Variants in SLFN5 observed in about 807,000 individuals in gnomAD.
SLFN5 encodes schlafen family member 5.
Under a neutral mutation model 48.5 loss-of-function variants are expected in SLFN5, and 34 were observed. The ratio of observed to expected loss-of-function variants is 0.70; its 90% CI spans 0.53 to 0.93. SLFN5 has a LOEUF of 0.93. Ranked by LOEUF, SLFN5 falls within the 40% of genes least tolerant of loss-of-function variation. SLFN5 has a pLI of 0.00. For missense variants in SLFN5, 1,006 were observed against 1,071.3 expected (o/e 0.94, Z 0.85); for synonymous variants, 387 against 396.2 (o/e 0.98, Z 0.28).
intron 1 of SLFN5, among the ~76,000 whole-genome samples, chr17:35,252,309 T>C (rs1489194445): frequency 6.6e-6 from 1 of 152,160 alleles, no homozygotes; most frequent in African/African-American, 2.4e-5. Context: ...CGCGTTCTTG[T>C]AGTCCTAGCT....
Position 35,266,580 on chromosome 17 carries a change from A to G in SLFN5, c.*692A>G, listed in dbSNP as rs1904704854. On this transcript the variant is annotated 3_prime_UTR_variant, in exon 5 of 5. Coordinates refer to ENST00000299977, the MANE Select transcript of SLFN5 (RefSeq NM_144975.4). ...TTTGGTTATGTGGAATCTGTTCCTT[A>G]GCTCTGATTTTTTATTCTTATGGAG... 6.6e-6 allele frequency: 1 copy of G among 152,104 alleles called. No homozygotes were observed. Among genetic ancestry groups the G allele is most frequent in the Non-Finnish European group, 1.5e-5 (1 of 68,036 alleles). The allele number at this position is 152,104 out of a possible 1,614,324, so 9.4% of individuals were successfully genotyped here.
chr17:35,264,697 G>A lies in SLFN5; in HGVS notation c.1653G>A (p.Glu551=). The change falls in exon 4 of 5, where the codon GAG becomes GAA. Residue 551 remains glutamate (E), a synonymous_variant. Coordinates refer to ENST00000299977, the MANE Select transcript of SLFN5 (RefSeq NM_144975.4). ...TCTTAAGTGAAGAGCTGGGCTCTGA[G>A]GTTTTGAACCTACTGACAAATAAAC... ...KSFLSEELGS[E]VLNLLTNKQY... is the part of the protein sequence containing the mutation. 1 of 1,609,282 alleles carries A rather than the reference G, an allele frequency of 6.2e-7. No individual in the cohort carries two copies. The highest frequency in any genetic ancestry group is 1.1e-5 in the South Asian group (1 of 90,386).
intron 1 of SLFN5, among the ~76,000 whole-genome samples, chr17:35,257,790 A>G (rs1904389405): frequency 6.6e-6 from 1 of 152,154 alleles, no homozygotes; most frequent in South Asian, 2.1e-4. Context: ...CATAGCAACA[A>G]TGACAGGTTG....
In SLFN5 at chr17:35,265,300, C is replaced by T. The variant is rs1420762075; in HGVS notation, c.2088C>T (p.Leu696=). 1 of 1,614,066 alleles carries T rather than the reference C, an allele frequency of 6.2e-7. No homozygotes were observed. Among genetic ancestry groups the T allele is most frequent in the South Asian group, 1.1e-5 (1 of 91,070 alleles). ...FQTYHLSCSG[L]PPPSDQYPRE... ...CCTATCACTTGAGTTGCAGTGGCCT[C>T]CCCCCTCCCTCAGACCAGTATCCAA... The change falls in exon 5 of 5, where the codon CTC becomes CTT. Residue 696 remains leucine (L), a synonymous_variant. Coordinates refer to ENST00000299977, the MANE Select transcript of SLFN5 (RefSeq NM_144975.4).
In SLFN5 at chr17:35,243,188, T is replaced by A. The variant is rs1457888207; in HGVS notation, c.-41+45T>A. 3 of 151,826 alleles carry A rather than the reference T, an allele frequency of 2.0e-5. No homozygotes were observed. The East Asian group carries it at 5.8e-4, about 29-fold the overall frequency. The allele number at this position is 151,826 out of a possible 1,614,324, so 9.4% of individuals were successfully genotyped here. A position where few individuals can be genotyped will look rare whatever the true frequency, so the allele number is the denominator to read the frequency against. ...TCTTTGCCCAGGCCTTCCCCAAACC[T>A]CCCCCCGGTCTGCGCGGGTTCTCCT... On this transcript the variant is annotated intron_variant, in intron 1 of 4. Transcript: ENST00000299977.
Position 35,265,192 on chromosome 17 carries a change from C to A in SLFN5, c.1980C>A (p.Asp660Glu). ...AGAATTTCCGTACTGAAGATGGGGA[C>A]TGGTATGGGAAAGCAAAGTTCATCA... ...DAQNFRTEDG[D>E]WYGKAKFITQ... The change falls in exon 5 of 5, where the codon GAC (aspartate) becomes GAA (glutamate). Residue 660 changes from aspartate to glutamate, a missense_variant. Coordinates refer to ENST00000299977, the MANE Select transcript of SLFN5 (RefSeq NM_144975.4). 1 of 1,614,150 alleles carries A rather than the reference C, an allele frequency of 6.2e-7. No individual in the cohort carries two copies. Among genetic ancestry groups the A allele is most frequent in the Middle Eastern group, 1.6e-4 (1 of 6,062 alleles).
At chr17:35,248,540 A>G (rs1200181226) in intron 1 of SLFN5, among the ~76,000 whole-genome samples, 1 of 151,770 alleles carries the variant, frequency 6.6e-6, no homozygotes, top group East Asian at 1.9e-4. Flanking sequence ...AATTTTTGCC[A>G]TGACTTTCAA....
In SLFN5 at chr17:35,269,789, A is replaced by G. The variant is rs1904788522; in HGVS notation, c.*3901A>G. ...TAAAGTGGAAAGATCAGTTCCCCCAAAGAATATCAGTTACCAAAGTAGGAT... is the reference window on the plus strand; with the variant it reads ...TAAAGTGGAAAGATCAGTTCCCCCAGAGAATATCAGTTACCAAAGTAGGAT... On this transcript the variant is annotated 3_prime_UTR_variant, in exon 5 of 5. Coordinates refer to ENST00000299977, the MANE Select transcript of SLFN5 (RefSeq NM_144975.4). 6.6e-6 allele frequency: 1 copy of G among 152,238 alleles called. No individual in the cohort carries two copies. The highest frequency in any genetic ancestry group is 1.5e-5 in the Non-Finnish European group (1 of 68,042). The allele number at this position is 152,238 out of a possible 1,614,324, so 9.4% of individuals were successfully genotyped here. A position where few individuals can be genotyped will look rare whatever the true frequency, so the allele number is the denominator to read the frequency against.
intron 1 of SLFN5, among the ~76,000 whole-genome samples, chr17:35,254,787 C>T (rs1260304318): frequency 2.0e-5 from 3 of 152,118 alleles, no homozygotes; most frequent in African/African-American, 2.4e-5. Flanking sequence ...GAGGCTGAAG[C>T]GGGTGGATCA....
In SLFN5 at chr17:35,271,592, T is replaced by G. The variant is rs1310364545; in HGVS notation, c.*5704T>G. ...AAACTAAAGAGCACAAAAAAGAACTTAAACAGATAAAAAGCAGACCACGTT... is the reference window on the plus strand; with the variant it reads ...AAACTAAAGAGCACAAAAAAGAACTGAAACAGATAAAAAGCAGACCACGTT... On this transcript the variant is annotated 3_prime_UTR_variant, in exon 5 of 5. Coordinates refer to ENST00000299977, the MANE Select transcript of SLFN5 (RefSeq NM_144975.4). The G allele has an allele frequency of 1.3e-5, 2 of 152,124 alleles. No individual in the cohort carries two copies. Among genetic ancestry groups the G allele is most frequent in the Non-Finnish European group, 2.9e-5 (2 of 68,000 alleles). 9.4% of individuals were successfully genotyped at this position (152,124 alleles called of 1,614,324 possible).
In SLFN5 at chr17:35,265,357, A is replaced by C. The variant is rs1904648428; in HGVS notation, c.2145A>C (p.Ala715=). 15 of 1,614,166 alleles carry C rather than the reference A, an allele frequency of 9.3e-6. No homozygotes were observed. The highest frequency in any genetic ancestry group is 1.3e-5 in the Non-Finnish European group (15 of 1,180,030). The change falls in exon 5 of 5, where the codon GCA becomes GCC. Residue 715 remains alanine, a synonymous_variant. Coordinates refer to ENST00000299977, the MANE Select transcript of SLFN5 (RefSeq NM_144975.4). ...AGATCAACAGAGTGGTCCGCAATGC[A>C]GGTCCAATAGCTAATTACCTACAAC... ...REEINRVVRN[A]GPIANYLQQV... is the part of the protein sequence containing the mutation.
rs1904788950 is a variant in SLFN5, at chr17:35,269,799, GT to G, written c.*3913del. The G allele has an allele frequency of 6.6e-6, 1 of 152,214 alleles. No individual in the cohort carries two copies. The highest frequency in any genetic ancestry group is 2.1e-4 in the South Asian group (1 of 4,838). The allele number at this position is 152,214 out of a possible 1,614,324, so 9.4% of individuals were successfully genotyped here. On this transcript the variant is annotated 3_prime_UTR_variant, in exon 5 of 5. Transcript: ENST00000299977. ...AGATCAGTTCCCCCAAAGAATATCA[GT>G]TACCAAAGTAGGATGAAAGGATGTT...
intron 1 of SLFN5, among the ~76,000 whole-genome samples, chr17:35,251,348 G>A (rs1020670624): frequency 2.0e-5 from 3 of 152,158 alleles, no homozygotes; most frequent in African/African-American, 4.8e-5. Context: ...CTCATTCCCC[G>A]CCTGACCTCA....
intron 1 of SLFN5, among the ~76,000 whole-genome samples, chr17:35,251,736 CAG>C (rs2092443091): frequency 9.1e-6 from 1 of 109,520 alleles, no homozygotes; most frequent in Admixed American, 1.2e-4. Flanking sequence ...TTTTTAAAGA[CAG>C]AGTCTTGTTC....
At chr17:35,250,523 G>A (rs2092439932) in intron 1 of SLFN5, among the ~76,000 whole-genome samples, 1 of 152,162 alleles carries the variant, frequency 6.6e-6, no homozygotes, top group African/African-American at 2.4e-5. Flanking sequence ...AGCCAGGCGT[G>A]GTGGCGGGCG....
Position 35,259,110 on chromosome 17 carries a change from G to C in SLFN5, c.420G>C (p.Arg140Ser). The C allele has an allele frequency of 6.2e-7, 1 of 1,614,162 alleles. No homozygotes were observed. The highest frequency in any genetic ancestry group is 8.5e-7 in the Non-Finnish European group (1 of 1,180,024). Reference sequence around the variant, plus strand: ...AAGCTCTGGCATTCCTCAAATGCAGGACTCAGACTCCAACGAATATTAATG... The same window carrying C: ...AAGCTCTGGCATTCCTCAAATGCAGCACTCAGACTCCAACGAATATTAATG... ...SQEALAFLKC[R>S]TQTPTNINVS... The change falls in exon 2 of 5, where the codon AGG (arginine) becomes AGC (serine). Residue 140 changes from arginine to serine, a missense_variant. Physicochemically the swap from Arg to Ser is moderately radical, Grantham distance 110 (BLOSUM62 -1). Transcript: ENST00000299977.
chr17:35,269,249 C>A lies in SLFN5; in HGVS notation c.*3361C>A, dbSNP rs1904775629. The A allele has an allele frequency of 6.6e-6, 1 of 152,152 alleles. No homozygotes were observed. The highest frequency in any genetic ancestry group is 6.5e-5 in the Admixed American group (1 of 15,270). The allele number at this position is 152,152 out of a possible 1,614,324, so 9.4% of individuals were successfully genotyped here. A position where few individuals can be genotyped will look rare whatever the true frequency, so the allele number is the denominator to read the frequency against. ...TTCTAGAAATACAGGACCCATGAAT[C>A]ATTCTTGAAGAAAAGTTACTCAGTA... On this transcript the variant is annotated 3_prime_UTR_variant, in exon 5 of 5. Transcript: ENST00000299977.
In SLFN5 at chr17:35,259,548, G is replaced by A; in HGVS notation, c.858G>A (p.Lys286=). ...YVLNFLEVHD[K]GALRGYVCAI... is the part of the protein sequence containing the mutation. ...TTAACTTCCTTGAAGTGCATGATAA[G>A]GGGGCCCTCCGTGGATATGTCTGTG... The change falls in exon 2 of 5, where the codon AAG becomes AAA. Residue 286 remains lysine (K), a synonymous_variant. Transcript: ENST00000299977. The A allele has an allele frequency of 6.2e-7, 1 of 1,614,048 alleles. No individual in the cohort carries two copies. The highest frequency in any genetic ancestry group is 8.5e-7 in the Non-Finnish European group (1 of 1,180,018).
At chr17:35,246,802 C>G (rs929896240) in intron 1 of SLFN5, among the ~76,000 whole-genome samples, 13 of 150,622 alleles carry the variant, frequency 8.6e-5, no homozygotes, top group Non-Finnish European at 5.9e-5. Context: ...TTCCAGTGAC[C>G]GAAATAGCAC....
Sources: gnomAD v4.1 joint callset for allele counts (sites outside exome capture counted in the v4.1 genomes callset) on GRCh38, gnomAD v4.1.1 for gene constraint, MANE v1.5 for transcripts, NCBI Gene and HGNC (gene_info 2026-07-23, HGNC 2026-07-21) for gene names.